CUX2: variants seen among roughly 807,000 people sequenced by gnomAD.
The protein encoded by CUX2 is cut like homeobox 2.
Under a neutral mutation model 144.8 loss-of-function variants are expected in CUX2, and 40 were observed. That is an observed-to-expected ratio of 0.28 (90% CI 0.21 to 0.36). CUX2 has a LOEUF of 0.36. CUX2 is among the 10% of genes least tolerant of loss of function. The pLI is 1.00. For synonymous variants in CUX2, 827 were observed against 875.6 expected (o/e 0.94, Z 0.98); for missense variants, 1,615 against 1,994.0 (o/e 0.81, Z 3.62).
rs750837806 is a variant in CUX2 at position 111,310,760 on chromosome 12, C to A, written c.1900+78C>A. The stretch of plus-strand genomic sequence containing the variant: ...ATCAGGGCTGGGGGCTGAGGACACG[C>A]GCTCTGGGTTCAAAGCCCAGCTCTA... On this transcript the variant is annotated intron_variant, in intron 15 of 21. Transcript: ENST00000261726. This position sits in a 1 kb window ranked among gnomAD's most constrained non-coding sequence, Gnocchi z 7.9. The A allele has an allele frequency of 7.6e-5, 111 of 1,464,908 alleles. No individual in the cohort carries two copies. The highest frequency in any genetic ancestry group is 9.6e-5 in the Non-Finnish European group (106 of 1,100,868). 90.7% of individuals were successfully genotyped at this position (1,464,908 alleles called of 1,614,324 possible).
At chr12:111,266,868 A>C (rs748088475) in intron 4 of CUX2, among the ~76,000 whole-genome samples, 2 of 152,212 alleles carry the variant, frequency 1.3e-5, no homozygotes, top group Non-Finnish European at 2.9e-5. Flanking sequence ...TCTGTGGACC[A>C]GAAACATCAG....
At chr12:111,191,229 G>A (rs1879853266) in intron 1 of CUX2, among the ~76,000 whole-genome samples, 1 of 152,162 alleles carries the variant, frequency 6.6e-6, no homozygotes, top group South Asian at 2.1e-4. Flanking sequence ...AGTTTCACGG[G>A]TAAAGTGCTA....
chr12:111,250,848 C>A (rs1883527183), intron 3 of CUX2, among the ~76,000 whole-genome samples: 1 of 152,188 alleles, frequency 6.6e-6, no homozygotes, highest in Non-Finnish European at 1.5e-5. Flanking sequence ...ATAGATGCTT[C>A]CCAGAGCCCA....
intron 1 of CUX2, among the ~76,000 whole-genome samples, chr12:111,153,525 T>C (rs754854674): frequency 1.3e-5 from 2 of 152,172 alleles, no homozygotes; most frequent in Non-Finnish European, 2.9e-5. Context: ...TAACTTGTGG[T>C]AAGGATTTGA....
intron 3 of CUX2, among the ~76,000 whole-genome samples, chr12:111,252,527 G>T (rs1883609221): frequency 6.6e-6 from 1 of 152,092 alleles, no homozygotes; most frequent in Non-Finnish European, 1.5e-5. Context: ...GAGCAGTCAG[G>T]ACCTCAGCTG....
chr12:111,326,282 G>A (rs1887804470), intron 18 of CUX2, among the ~76,000 whole-genome samples: 1 of 60,156 alleles, frequency 1.7e-5, no homozygotes, highest in Admixed American at 1.5e-4. Flanking sequence ...TTGTGTTGGG[G>A]GAGGGGTTGG....
chr12:111,281,983 G>A (rs1313819307), intron 4 of CUX2, among the ~76,000 whole-genome samples: 1 of 152,120 alleles, frequency 6.6e-6, no homozygotes, highest in Non-Finnish European at 1.5e-5. Context: ...AGGGTGGTGG[G>A]GAGTTTCAGA....
chr12:111,299,086 T>G (rs1886157807), intron 9 of CUX2, among the ~76,000 whole-genome samples: 1 of 152,190 alleles, frequency 6.6e-6, no homozygotes, highest in Admixed American at 6.5e-5. Context: ...CCCGGAGTCT[T>G]GAGTGCCCAC....
intron 1 of CUX2, among the ~76,000 whole-genome samples, chr12:111,112,524 G>A (rs752935250): frequency 1.6e-4 from 25 of 152,070 alleles, no homozygotes; most frequent in Non-Finnish European, 2.8e-4. Flanking sequence ...CTGTCTGGGC[G>A]TGGGGAAGGA....
At chr12:111,170,661 C>CTGATGACA (rs1217140424) in intron 1 of CUX2, among the ~76,000 whole-genome samples, 4 of 146,540 alleles carry the variant, frequency 2.7e-5, no homozygotes, top group Non-Finnish European at 5.9e-5. Flanking sequence ...CCCAGTTCTT[C>CTGATGACA]TGATGACAAA....
intron 1 of CUX2, among the ~76,000 whole-genome samples, chr12:111,137,429 G>T (rs978686722): frequency 6.6e-6 from 1 of 152,140 alleles, no homozygotes; most frequent in African/African-American, 2.4e-5. Flanking sequence ...TTTGGGGAAA[G>T]GTAAATTCTG....
intron 1 of CUX2, among the ~76,000 whole-genome samples, chr12:111,158,595 G>A (rs142264442): frequency 1.3e-5 from 2 of 152,198 alleles, no homozygotes; most frequent in African/African-American, 4.8e-5. Context: ...AGGAACAGCT[G>A]TTTTGAAAGC....
chr12:111,129,000 T>G (rs978022240), intron 1 of CUX2, among the ~76,000 whole-genome samples: 4 of 152,234 alleles, frequency 2.6e-5, no homozygotes, highest in Non-Finnish European at 5.9e-5. Context: ...AGAAATATGT[T>G]GGCTCCCAAA....
chr12:111,335,920 TAA>T (rs57479156), intron 19 of CUX2, among the ~76,000 whole-genome samples: 2 of 140,270 alleles, frequency 1.4e-5, no homozygotes, highest in Non-Finnish European at 3.1e-5. Flanking sequence ...AAAGTTAAAT[TAA>T]AAAAAAAAAA....
intron 4 of CUX2, among the ~76,000 whole-genome samples, chr12:111,267,772 A>G (rs995167059): frequency 6.6e-5 from 10 of 151,710 alleles, no homozygotes; most frequent in Non-Finnish European, 1.2e-4. Context: ...TATCACTCCA[A>G]TGTCTCCTCT....
intron 1 of CUX2, among the ~76,000 whole-genome samples, chr12:111,165,101 T>C (rs997308900): frequency 3.3e-5 from 5 of 152,356 alleles, no homozygotes; most frequent in East Asian, 3.9e-4. Flanking sequence ...TTCCCTTTTT[T>C]TCTTAAGCTA....
rs143625933 is a variant in CUX2, at chr12:111,174,306, A to G, written c.64-39894A>G. On this transcript the variant is annotated intron_variant, in intron 1 of 21. Transcript: ENST00000261726. ...CCAGACCAGGCTGATGACAGCAGGC[A>G]TGGAGAGGCACGGGACGTGTCTGAA... Among the ~76,000 whole-genome samples, 189 of 152,336 alleles carry G rather than the reference A, an allele frequency of 1.2e-3. 1 individual carries two copies. Among genetic ancestry groups the G allele is most frequent in the Non-Finnish European group, 2.4e-3 (162 of 68,038 alleles).
rs1416416487 is a variant in CUX2 at position 111,061,889 on chromosome 12, A to C, written c.63+27649A>C. Reference sequence around the variant, plus strand: ...AACACCAGGCTTTAGAGTCAGGCACAGTCAAGTTCAAATTCTGCCCCTGCC... The same window carrying C: ...AACACCAGGCTTTAGAGTCAGGCACCGTCAAGTTCAAATTCTGCCCCTGCC... On this transcript the variant is annotated intron_variant, in intron 1 of 21. Coordinates refer to ENST00000261726, the MANE Select transcript of CUX2 (RefSeq NM_015267.4). This position sits in a 1 kb window ranked among gnomAD's most constrained non-coding sequence, Gnocchi z 4.2. 5.9e-5 allele frequency among the ~76,000 whole-genome samples: 9 copies of C among 152,342 alleles called. No homozygotes were observed. The South Asian group carries it at 1.5e-3, about 25-fold the overall frequency.
chr12:111,304,832 T>C lies in CUX2; in HGVS notation c.858+518T>C, dbSNP rs906933105. ...GTTTTCAGTCCCAAAACTGGGTACTTTTAGGAGTGTGAGCCAGCCAACATA... is the reference window on the plus strand; with the variant it reads ...GTTTTCAGTCCCAAAACTGGGTACTCTTAGGAGTGTGAGCCAGCCAACATA... On this transcript the variant is annotated intron_variant, in intron 10 of 21. Coordinates refer to ENST00000261726, the MANE Select transcript of CUX2 (RefSeq NM_015267.4). The surrounding 1 kb of genome is among the most constrained non-coding windows in gnomAD (Gnocchi z 4.7). Among the ~76,000 whole-genome samples, 2 of 152,128 alleles carry C rather than the reference T, an allele frequency of 1.3e-5. No homozygotes were observed. The highest frequency in any genetic ancestry group is 4.8e-5 in the African/African-American group (2 of 41,410).
Sources: gnomAD v4.1 joint callset for allele counts (sites outside exome capture counted in the v4.1 genomes callset) on GRCh38, gnomAD v4.1.1 for gene constraint, Gnocchi (gnomAD v3.1) non-coding constraint, MANE v1.5 for transcripts, NCBI Gene and HGNC (gene_info 2026-07-23, HGNC 2026-07-21) for gene names.